Variants in MINDY3 observed in about 807,000 individuals in gnomAD.
MINDY3 encodes the protein MINDY lysine 48 deubiquitinase 3.
MINDY3 carries 38 observed loss-of-function variants against 69.2 expected under a neutral mutation model. The ratio of observed to expected loss-of-function variants is 0.55; its 90% CI spans 0.42 to 0.72. The LOEUF is 0.72. MINDY3 is among the 30% of genes least tolerant of loss of function. The pLI is 0.00. For missense variants in MINDY3, 522 were observed against 519.0 expected (o/e 1.01, Z -0.06); for synonymous variants, 192 against 180.1 (o/e 1.07, Z -0.53).
chr10:15,815,620 CTATGATCCCAGAGATGTTTAACG>C (rs1839301541), intron 10 of MINDY3, among the ~76,000 whole-genome samples: 1 of 152,094 alleles, frequency 6.6e-6, no homozygotes, highest in African/African-American at 2.4e-5. Flanking sequence ...ATCAAGTTAC[CTATGATCCCAGAGATGTTTAACG>C]TATGTTTCTT....
At chr10:15,838,882 C>T (rs531442137) in intron 4 of MINDY3, among the ~76,000 whole-genome samples, 1 of 151,788 alleles carries the variant, frequency 6.6e-6, no homozygotes, top group Non-Finnish European at 1.5e-5. Context: ...TTATTGAGCA[C>T]TTTACTAAGT....
chr10:15,786,464 G>C (rs535421430), intron 13 of MINDY3, 97 bp downstream of exon 13: 1 of 763,126 alleles, frequency 1.3e-6, no homozygotes, highest in African/African-American at 1.8e-5. Context: ...TCATATCTGC[G>C]CATTAGGACA....
At chr10:15,820,578 C>A (rs1363579010) in intron 9 of MINDY3, among the ~76,000 whole-genome samples, 3 of 152,050 alleles carry the variant, frequency 2.0e-5, no homozygotes, top group African/African-American at 4.8e-5. Flanking sequence ...TTAGTTTACA[C>A]AATTAAAGTC....
intron 13 of MINDY3, among the ~76,000 whole-genome samples, chr10:15,782,925 C>T (rs924469349): frequency 6.6e-6 from 1 of 152,196 alleles, no homozygotes; most frequent in Admixed American, 6.5e-5. Flanking sequence ...ACCCTCTTAA[C>T]CTGGCGTTCA....
chr10:15,856,586 C>T (rs535028161), intron 1 of MINDY3, among the ~76,000 whole-genome samples: 1 of 152,212 alleles, frequency 6.6e-6, no homozygotes, highest in South Asian at 2.1e-4. Flanking sequence ...AACTACAACC[C>T]TCATCTGCTT....
At chr10:15,860,084 T>C in intron 1 of MINDY3, 122 bp downstream of exon 1, 1 of 734,918 alleles carries the variant, frequency 1.4e-6, no homozygotes. Context: ...GCTTCAGCGC[T>C]GAGCACGGCG....
chr10:15,783,534 A>T (rs1836715472), intron 13 of MINDY3, among the ~76,000 whole-genome samples: 2 of 152,022 alleles, frequency 1.3e-5, no homozygotes, highest in African/African-American at 4.8e-5. Flanking sequence ...TTTTTCTGTA[A>T]AGTTTTTCCT....
chr10:15,822,198 C>T (rs926158332), intron 8 of MINDY3, among the ~76,000 whole-genome samples: 1 of 152,120 alleles, frequency 6.6e-6, no homozygotes, highest in Admixed American at 6.5e-5. Flanking sequence ...ACATTTAATG[C>T]CATCCCTCTT....
intron 10 of MINDY3, among the ~76,000 whole-genome samples, chr10:15,804,325 T>C (rs1349046275): frequency 2.0e-5 from 3 of 152,156 alleles, no homozygotes; most frequent in Non-Finnish European, 4.4e-5. Flanking sequence ...CGTAGCTCTG[T>C]ATTATCAGTG....
At chr10:15,779,735 A>AAAAATT (rs1209295482) in intron 14 of MINDY3, among the ~76,000 whole-genome samples, 1 of 152,212 alleles carries the variant, frequency 6.6e-6, no homozygotes, top group African/African-American at 2.4e-5. Flanking sequence ...TCATGGAGAA[A>AAAAATT]AAAATTAAAA....
chr10:15,833,730 G>A (rs1198326085), intron 7 of MINDY3, 21 bp from the exon 8 acceptor site: 2 of 1,478,500 alleles, frequency 1.4e-6, no homozygotes, highest in Admixed American at 1.7e-5. Flanking sequence ...ATATTAAAAA[G>A]CAATTAAATA....
At position 15,838,244 on chromosome 10, in the gene MINDY3, A is replaced by G; in HGVS notation, c.445T>C (p.Phe149Leu). ...GTTACTTACTGAATTAATGCATGAA[A>G]TCGCTCAAAGCCAAGCTCTTCGACA... ...LAVEELGFER[F>L]HALIQKRSFR... Residue 149 changes from phenylalanine to leucine, a missense_variant, in exon 5 of 15, where the codon TTT (phenylalanine) becomes CTT (leucine). By Grantham distance (22) the Phe-to-Leu change is conservative. Coordinates refer to ENST00000277632, the MANE Select transcript of MINDY3 (RefSeq NM_024948.4). 1 of 1,604,286 alleles carries G rather than the reference A, an allele frequency of 6.2e-7. No individual in the cohort carries two copies. The highest frequency in any genetic ancestry group is 8.5e-7 in the Non-Finnish European group (1 of 1,176,242).
intron 1 of MINDY3, among the ~76,000 whole-genome samples, chr10:15,859,552 G>C (rs933000451): frequency 1.8e-4 from 28 of 152,078 alleles, no homozygotes; most frequent in African/African-American, 6.5e-4. Context: ...CTTCATGTAA[G>C]TAAAAGTCCT....
Position 15,782,153 on chromosome 10 carries a change from A to G in MINDY3, c.1188+2T>C, listed in dbSNP as rs1836591699. On this transcript the variant is annotated splice_donor_variant, in intron 14 of 14. Coordinates refer to ENST00000277632, the MANE Select transcript of MINDY3 (RefSeq NM_024948.4). LOFTEE classifies it high-confidence loss of function. ...CACCGACGACTACGTGAATTATCATACCTTTTCATTATAATTTGACTGCTT... is the reference window on the plus strand; with the variant it reads ...CACCGACGACTACGTGAATTATCATGCCTTTTCATTATAATTTGACTGCTT... 1 of 1,601,290 alleles carries G rather than the reference A, an allele frequency of 6.2e-7. No homozygotes were observed. Among genetic ancestry groups the G allele is most frequent in the Non-Finnish European group, 8.5e-7 (1 of 1,169,652 alleles).
chr10:15,828,509 T>C (rs965937500), intron 8 of MINDY3, among the ~76,000 whole-genome samples: 3 of 152,034 alleles, frequency 2.0e-5, no homozygotes, highest in African/African-American at 7.3e-5. Context: ...TGAGAAAATA[T>C]TTAAAATACT....
intron 10 of MINDY3, among the ~76,000 whole-genome samples, chr10:15,812,130 T>C (rs1410303428): frequency 6.6e-6 from 1 of 152,024 alleles, no homozygotes; most frequent in African/African-American, 2.4e-5. Context: ...TTAGTAGAGA[T>C]GGGTTTTGCC....
intron 1 of MINDY3, among the ~76,000 whole-genome samples, chr10:15,852,235 AC>A (rs1834353188): frequency 6.6e-6 from 1 of 152,108 alleles, no homozygotes; most frequent in Non-Finnish European, 1.5e-5. Flanking sequence ...CAGTATGTTT[AC>A]AACATACTGT....
chr10:15,808,420 T>C (rs1026167128), intron 10 of MINDY3, among the ~76,000 whole-genome samples: 1 of 152,156 alleles, frequency 6.6e-6, no homozygotes, highest in South Asian at 2.1e-4. Context: ...TAACACCGTT[T>C]TATTACATGC....
chr10:15,789,182 C>T lies in MINDY3; in HGVS notation c.1028+65G>A, dbSNP rs187263150. The T allele has an allele frequency of 3.9e-4, 516 of 1,326,550 alleles. 1 individual carries two copies. Among genetic ancestry groups the T allele is most frequent in the African/African-American group, 3.7e-3 (253 of 68,780 alleles). 82.2% of individuals were successfully genotyped at this position (1,326,550 alleles called of 1,614,324 possible). ...GATTTTTAAAAAGGCAAAAAATGTACAATATGTCTTAAACTTAATCGAATC... is the reference window on the plus strand; with the variant it reads ...GATTTTTAAAAAGGCAAAAAATGTATAATATGTCTTAAACTTAATCGAATC... On this transcript the variant is annotated intron_variant, in intron 12 of 14. Transcript: ENST00000277632.
Sources: gnomAD v4.1 joint callset for allele counts (sites outside exome capture counted in the v4.1 genomes callset) on GRCh38, gnomAD v4.1.1 for gene constraint, MANE v1.5 for transcripts, NCBI Gene and HGNC (gene_info 2026-07-23, HGNC 2026-07-21) for gene names.